ZFPL1: variants seen among roughly 807,000 people sequenced by gnomAD.
ZFPL1 encodes zinc finger protein like 1, also known as zinc finger protein-like 1.
In ZFPL1, 28 loss-of-function variants were observed where a neutral mutation model predicts 32.0. The ratio of observed to expected loss-of-function variants is 0.87; its 90% CI spans 0.65 to 1.20. The LOEUF (loss-of-function observed/expected upper bound fraction) is 1.20, where lower values mean the gene tolerates loss of function less well. ZFPL1 is among the 50% of genes most tolerant of loss of function. The pLI is 0.00. For synonymous variants in ZFPL1, 165 were observed against 177.0 expected (o/e 0.93, Z 0.54); for missense variants, 386 against 424.8 (o/e 0.91, Z 0.80).
chr11:65,084,980 C>A, intron 2 of ZFPL1, 135 bp from the exon 3 acceptor site: 3 of 1,033,138 alleles, frequency 2.9e-6, no homozygotes, highest in South Asian at 1.4e-5. Flanking sequence ...ACAGTATGTG[C>A]TCAATAAATA....
intron 6 of ZFPL1, 24 bp downstream of exon 6, chr11:65,087,098 C>T (rs749720971): frequency 1.1e-5 from 17 of 1,602,932 alleles, no homozygotes; most frequent in South Asian, 6.6e-5. Context: ...TTATCCAGGC[C>T]GCAGAAGGAT....
intron 6 of ZFPL1, 56 bp from the exon 7 acceptor site, chr11:65,087,260 T>TC: frequency 1.3e-6 from 2 of 1,595,610 alleles, no homozygotes; most frequent in Non-Finnish European, 1.7e-6. Flanking sequence ...CCCCTAGCCC[T>TC]CCCCAAAGCG....
At position 65,088,036 on chromosome 11, in the gene ZFPL1, C is replaced by T. The variant is rs752951994; in HGVS notation, c.855C>T (p.Arg285=). The change falls in exon 8 of 8, where the codon CGC becomes CGT. Residue 285 remains arginine (R), a synonymous_variant. Transcript: ENST00000294258. The part of the protein sequence containing the change: ...GFLALLALMS[R]LGRAAADSDP... ...TGGCCCTCCTTGCCCTCATGTCTCG[C>T]CTAGGCCGGGCCGCAGCTGACAGCG... is the stretch of plus-strand genomic sequence containing the variant. 1.2e-6 allele frequency: 2 copies of T among 1,610,664 alleles called. No individual in the cohort carries two copies. The highest frequency in any genetic ancestry group is 1.3e-5 in the African/African-American group (1 of 74,926).
Position 65,088,061 on chromosome 11 carries a change from G to T in ZFPL1, c.880G>T (p.Asp294Tyr). The stretch of plus-strand genomic sequence containing the variant: ...CCTAGGCCGGGCCGCAGCTGACAGC[G>T]ATCCCAACCTGGACCCACTCATGAA... ...SRLGRAAADS[D>Y]PNLDPLMNPH... is the part of the protein sequence containing the mutation. Residue 294 changes from aspartate to tyrosine, a missense_variant, in exon 8 of 8, where the codon GAT becomes TAT. Transcript: ENST00000294258. 6.2e-7 allele frequency: 1 copy of T among 1,611,486 alleles called. No homozygotes were observed.
chr11:65,088,313 C>T lies in ZFPL1; in HGVS notation c.*199C>T. ...CCCGTGGGTCAAGCATTTGTCTTGA[C>T]TTGCTTTCCTCCCGGGTCTCCAGCC... On this transcript the variant is annotated 3_prime_UTR_variant, in exon 8 of 8. Coordinates refer to ENST00000294258, the MANE Select transcript of ZFPL1 (RefSeq NM_006782.4). 1 of 1,124,638 alleles carries T rather than the reference C, an allele frequency of 8.9e-7. No homozygotes were observed. The highest frequency in any genetic ancestry group is 1.3e-6 in the Non-Finnish European group (1 of 780,812). The allele number at this position is 1,124,638 out of a possible 1,614,324, so 69.7% of individuals were successfully genotyped here. A position where few individuals can be genotyped will look rare whatever the true frequency, so the allele number is the denominator to read the frequency against.
chr11:65,086,112 G>A lies in ZFPL1; in HGVS notation c.215-303G>A, dbSNP rs1446660287. 1.1e-5 allele frequency: 5 copies of A among 469,238 alleles called. No individual in the cohort carries two copies. The East Asian group carries it at 2.1e-4, about 19-fold the overall frequency. The allele number at this position is 469,238 out of a possible 1,614,324, so 29.1% of individuals were successfully genotyped here. ...TGAAACTGTTCATTATTAGCCATTA[G>A]CCCAAAGAATATGATGAGTGCAGGC... On this transcript the variant is annotated intron_variant, in intron 3 of 7. Transcript: ENST00000294258.
intron 1 of ZFPL1, 137 bp from the exon 2 acceptor site, chr11:65,084,554 G>A: frequency 1.4e-6 from 1 of 708,992 alleles, no homozygotes; most frequent in Admixed American, 2.8e-5. Flanking sequence ...CGCATAAGGA[G>A]GGACAGTGGG....
chr11:65,087,380 C>A lies in ZFPL1; in HGVS notation c.693C>A (p.Asp231Glu), dbSNP rs770284672. Residue 231 changes from aspartate to glutamate, a missense_variant, in exon 7 of 8, where the codon GAC (aspartate) becomes GAA (glutamate). By Grantham distance (45) the Asp-to-Glu change is conservative (BLOSUM62 2). Coordinates refer to ENST00000294258, the MANE Select transcript of ZFPL1 (RefSeq NM_006782.4). Reference sequence around the variant, plus strand: ...CACCAGGCCTCCATGGAGACTGTGACGATGACAAGTACCGACGTCGGCCGG... The same window carrying A: ...CACCAGGCCTCCATGGAGACTGTGAAGATGACAAGTACCGACGTCGGCCGG... ...DRTPGLHGDC[D>E]DDKYRRRPAL... 3 of 1,614,086 alleles carry A rather than the reference C, an allele frequency of 1.9e-6. No individual in the cohort carries two copies. The highest frequency in any genetic ancestry group is 1.7e-5 in the Admixed American group (1 of 59,994).
At position 65,084,381 on chromosome 11, in the gene ZFPL1, C is replaced by T. The variant is rs1398103315; in HGVS notation, c.-9+3C>T. The T allele has an allele frequency of 2.4e-6, 1 of 412,802 alleles. No homozygotes were observed. 25.6% of individuals were successfully genotyped at this position (412,802 alleles called of 1,614,324 possible). On this transcript the variant is annotated splice_donor_region_variant and intron_variant, in intron 1 of 7. Coordinates refer to ENST00000294258, the MANE Select transcript of ZFPL1 (RefSeq NM_006782.4). ...GATCAGTAAACACAGAGACTGGGGT[C>T]TGTAGAGAAGGGGCGGGACTTGGAG...
intron 6 of ZFPL1, 120 bp from the exon 7 acceptor site, chr11:65,087,196 A>G: frequency 6.4e-7 from 1 of 1,554,508 alleles, no homozygotes; most frequent in South Asian, 1.2e-5. Flanking sequence ...AGGCACAGCC[A>G]TTACCTCCTC....
At position 65,084,730 on chromosome 11, in the gene ZFPL1, T is replaced by C. The variant is rs1267306847; in HGVS notation, c.32T>C (p.Val11Ala). 1 of 1,614,024 alleles carries C rather than the reference T, an allele frequency of 6.2e-7. No homozygotes were observed. The highest frequency in any genetic ancestry group is 8.5e-7 in the Non-Finnish European group (1 of 1,179,992). The change falls in exon 2 of 8, where the codon GTG becomes GCG. Residue 11 changes from valine to alanine, a missense_variant. Coordinates refer to ENST00000294258, the MANE Select transcript of ZFPL1 (RefSeq NM_006782.4). MGLCKCPKRK[V>A]TNLFCFEHRV... ...CTTTGTAAGTGCCCCAAGAGAAAGG[T>C]GACCAACCTGTTCTGCTTCGAACAT... is the stretch of plus-strand genomic sequence containing the variant.
chr11:65,084,738 C>T lies in ZFPL1; in HGVS notation c.40C>T (p.Leu14=). The T allele has an allele frequency of 6.2e-7, 1 of 1,614,124 alleles. No individual in the cohort carries two copies. The highest frequency in any genetic ancestry group is 8.5e-7 in the Non-Finnish European group (1 of 1,180,018). Residue 14 remains leucine (L), a synonymous_variant, in exon 2 of 8, where the codon CTG becomes TTG. Transcript: ENST00000294258. The part of the protein sequence containing the change: ...CKCPKRKVTN[L]FCFEHRVNVC... The stretch of plus-strand genomic sequence containing the variant: ...GTGCCCCAAGAGAAAGGTGACCAAC[C>T]TGTTCTGCTTCGAACATCGGGTCAA...
At position 65,086,606 on chromosome 11, in the gene ZFPL1, C is replaced by A. The variant is rs376292619; in HGVS notation, c.406C>A (p.Leu136Met). The A allele has an allele frequency of 2.5e-6, 4 of 1,613,858 alleles. No individual in the cohort carries two copies. The highest frequency in any genetic ancestry group is 3.4e-6 in the Non-Finnish European group (4 of 1,179,786). The change falls in exon 4 of 8, where the codon CTG becomes ATG. Residue 136 changes from leucine to methionine, a missense_variant and splice_region_variant. Transcript: ENST00000294258. ...NWARAGLGLP[L>M]IDEVVSPEPE... ...GGCCCGGGCAGGACTGGGCCTCCCT[C>A]TGGTGAGAGTCCCTCGTCTGTCTGA...
chr11:65,086,419 C>G lies in ZFPL1; in HGVS notation c.219C>G (p.Leu73=). The G allele has an allele frequency of 6.2e-7, 1 of 1,614,114 alleles. No individual in the cohort carries two copies. The change falls in exon 4 of 8, where the codon CTC becomes CTG. Residue 73 remains leucine (L), a synonymous_variant. Coordinates refer to ENST00000294258, the MANE Select transcript of ZFPL1 (RefSeq NM_006782.4). ...CCCTGTCTCATGGGCCCTAAGATCT[C>G]TTTCACTGGGCCTGCCTCAATGAAC... ...RETTRLVCYD[L]FHWACLNERA... is the part of the protein sequence containing the mutation.
intron 3 of ZFPL1, chr11:65,085,998 T>TA: frequency 5.1e-6 from 1 of 194,818 alleles, no homozygotes; most frequent in Non-Finnish European, 1.1e-5. Context: ...CACTTGTGTT[T>TA]GATTATGTGC....
intron 7 of ZFPL1, 140 bp from the exon 8 acceptor site, chr11:65,087,788 T>A: frequency 1.2e-6 from 1 of 868,154 alleles, no homozygotes; most frequent in Non-Finnish European, 1.7e-6. Flanking sequence ...CGCCCTATGG[T>A]GGCAGGTGCA....
Position 65,084,953 on chromosome 11 carries a change from AAG to A in ZFPL1, c.103-155_103-154del. The A allele has an allele frequency of 1.9e-6, 2 of 1,039,878 alleles. 1 individual carries two copies. The highest frequency in any genetic ancestry group is 2.7e-5 in the South Asian group (2 of 74,878). 64.4% of individuals were successfully genotyped at this position (1,039,878 alleles called of 1,614,324 possible). Reference sequence around the variant, plus strand: ...GTTCACTGATATATCCCCCGTTCCCAAGAGAGAGTCTGGTGCACAGTATGTGC... The same window carrying A: ...GTTCACTGATATATCCCCCGTTCCCAAGAGAGTCTGGTGCACAGTATGTGC... On this transcript the variant is annotated intron_variant, in intron 2 of 7. Transcript: ENST00000294258.
chr11:65,088,230 T>C lies in ZFPL1; in HGVS notation c.*116T>C. On this transcript the variant is annotated 3_prime_UTR_variant, in exon 8 of 8. Transcript: ENST00000294258. The stretch of plus-strand genomic sequence containing the variant: ...CCCCTCTCCCTCAAGCCTAAGACAC[T>C]AAGACCCCAGACCCAAAGCCAAGTC... 1 of 1,348,986 alleles carries C rather than the reference T, an allele frequency of 7.4e-7. No individual in the cohort carries two copies. The allele number at this position is 1,348,986 out of a possible 1,614,324, so 83.6% of individuals were successfully genotyped here.
Position 65,084,231 on chromosome 11 carries a change from G to C in ZFPL1, c.-156G>C. 1.7e-6 allele frequency: 1 copy of C among 582,602 alleles called. No individual in the cohort carries two copies. The highest frequency in any genetic ancestry group is 2.0e-5 in the South Asian group (1 of 48,808). 36.1% of individuals were successfully genotyped at this position (582,602 alleles called of 1,614,324 possible). ...GCGCGCCGCACCCGGAAGAGACGTG[G>C]CAGCGGAGGGATAATCGGGGCGGCC... On this transcript the variant is annotated 5_prime_UTR_variant, in exon 1 of 8. Coordinates refer to ENST00000294258, the MANE Select transcript of ZFPL1 (RefSeq NM_006782.4).
Sources: gnomAD v4.1 joint callset for allele counts on GRCh38, gnomAD v4.1.1 for gene constraint, MANE v1.5 for transcripts, NCBI Gene and HGNC (gene_info 2026-07-23, HGNC 2026-07-21) for gene names.